Variants in NUP210L observed in about 807,000 individuals in gnomAD.
NUP210L encodes the protein nuclear pore membrane glycoprotein 210-like.
A neutral mutation model predicts 208.5 loss-of-function variants in NUP210L; 74 were observed. The ratio of observed to expected loss-of-function variants is 0.35; its 90% CI spans 0.29 to 0.43. The LOEUF (loss-of-function observed/expected upper bound fraction) is 0.43. Among genes scored for constraint, NUP210L ranks in the 20% least tolerant of loss-of-function variants. The pLI is 1.00. For synonymous variants in NUP210L, 780 were observed against 816.9 expected, an observed-to-expected ratio of 0.95 and a Z score of 0.77; for missense variants, 1,843 against 2,289.4, an observed-to-expected ratio of 0.81 and a Z score of 3.98.
chr1:154,112,635 C>T (rs1041965196), intron 12 of NUP210L, among the ~76,000 whole-genome samples: 8 of 151,802 alleles, frequency 5.3e-5, no homozygotes, highest in Non-Finnish European at 7.4e-5. Flanking sequence ...GCGGGAAGAT[C>T]GCTTGAGCCC....
In NUP210L at chr1:154,152,896, G is replaced by C. The variant is rs112695741; in HGVS notation, c.204-24C>G. On this transcript the variant is annotated intron_variant, in intron 1 of 39. Transcript: ENST00000368559. ...GCCTGCCAGAACAAAATTCTTAAGA[G>C]TGTGAAATAGGTGGGTTAAAATTAA... is the stretch of plus-strand genomic sequence containing the variant. The C allele has an allele frequency of 2.6e-4, 422 of 1,610,356 alleles. 1 individual carries two copies. In the African/African-American group the frequency reaches 4.9e-3, roughly 19 times the overall value.
intron 15 of NUP210L, among the ~76,000 whole-genome samples, chr1:154,090,623 C>T (rs1045559818): frequency 3.3e-5 from 5 of 151,972 alleles, no homozygotes; most frequent in African/African-American, 4.8e-5. Flanking sequence ...CCAGCCTGGC[C>T]GATATGGTGA....
intron 25 of NUP210L, among the ~76,000 whole-genome samples, chr1:154,048,753 A>G (rs551808797): frequency 0.024 from 3,639 of 152,292 alleles, 156 homozygotes; most frequent in African/African-American, 0.083. Context: ...GACCCTTGCC[A>G]GCGGGGATGA....
Position 154,056,959 on chromosome 1 carries a change from C to A in NUP210L, c.3108-12G>T. ...GTTGCTCCATTGGTCTGCAAAAACCCATGTATTTTCAGGTGAGAAAGATTT... is the reference window on the plus strand; with the variant it reads ...GTTGCTCCATTGGTCTGCAAAAACCAATGTATTTTCAGGTGAGAAAGATTT... On this transcript the variant is annotated splice_polypyrimidine_tract_variant and intron_variant, in intron 22 of 39. Transcript: ENST00000368559. The A allele has an allele frequency of 6.2e-7, 1 of 1,605,180 alleles. No homozygotes were observed. Among genetic ancestry groups the A allele is most frequent in the Non-Finnish European group, 8.5e-7 (1 of 1,177,238 alleles).
chr1:154,051,518 C>CT (rs1456557640), intron 25 of NUP210L, among the ~76,000 whole-genome samples: 4 of 152,174 alleles, frequency 2.6e-5, no homozygotes, highest in Admixed American at 6.5e-5. Context: ...CTGGCCGACA[C>CT]TTTCACAATT....
chr1:154,022,420 A>G, intron 31 of NUP210L, 77 bp from the exon 32 acceptor site: 1 of 1,151,492 alleles, frequency 8.7e-7, no homozygotes, highest in South Asian at 1.3e-5. Context: ...ACACCCTACC[A>G]CATTTTATAT....
At chr1:153,996,177 A>G (rs1260316430) in intron 37 of NUP210L, among the ~76,000 whole-genome samples, 1 of 152,072 alleles carries the variant, frequency 6.6e-6, no homozygotes, top group African/African-American at 2.4e-5. Flanking sequence ...CTGTAGTCCC[A>G]GCTACTTGGG....
intron 2 of NUP210L, among the ~76,000 whole-genome samples, chr1:154,148,703 C>A (rs73012884): frequency 6.6e-5 from 10 of 152,186 alleles, no homozygotes; most frequent in African/African-American, 1.4e-4. Context: ...ATTAAGTTAG[C>A]CTTCTACTTG....
intron 27 of NUP210L, among the ~76,000 whole-genome samples, chr1:154,044,880 CT>C (rs374188960): frequency 7.9e-5 from 12 of 151,000 alleles, no homozygotes; most frequent in African/African-American, 2.7e-4. Flanking sequence ...GCCAAACTTG[CT>C]TTTTTTTTGT....
At chr1:154,145,615 A>G (rs1477129871) in intron 2 of NUP210L, among the ~76,000 whole-genome samples, 1 of 152,230 alleles carries the variant, frequency 6.6e-6, no homozygotes, top group Non-Finnish European at 1.5e-5. Context: ...AGAATTGAAC[A>G]AATAAGTAAA....
chr1:154,010,460 A>G (rs1223620878), intron 34 of NUP210L, among the ~76,000 whole-genome samples: 2 of 152,012 alleles, frequency 1.3e-5, no homozygotes, highest in African/African-American at 4.8e-5. Flanking sequence ...TGCAACTTCC[A>G]TCTCCCGGTT....
At chr1:153,999,264 CT>C (rs1288260800) in intron 37 of NUP210L, among the ~76,000 whole-genome samples, 2 of 152,130 alleles carry the variant, frequency 1.3e-5, no homozygotes, top group African/African-American at 2.4e-5. Flanking sequence ...ACTGATGGTT[CT>C]CTAGCTTTTC....
exon 2 of NUP210L, chr1:154,152,749 A>G (rs1360721719): frequency 6.2e-7 from 1 of 1,614,112 alleles, no homozygotes; most frequent in Non-Finnish European, 8.5e-7. Flanking sequence ...TTTCTCGAGC[A>G]AGAATAATAC....
At position 154,060,643 on chromosome 1, in the gene NUP210L, T is replaced by TA. The variant is rs1260033999; in HGVS notation, c.2749-3dup. The TA allele has an allele frequency of 1.3e-6, 2 of 1,596,744 alleles. No individual in the cohort carries two copies. The highest frequency in any genetic ancestry group is 2.2e-5 in the South Asian group (2 of 90,304). On this transcript the variant is annotated splice_polypyrimidine_tract_variant and splice_region_variant and intron_variant, in intron 19 of 39. Coordinates refer to ENST00000368559, the Ensembl canonical transcript of NUP210L. Reference sequence around the variant, plus strand: ...TCCTTCCACAAGGCTAAATGTTTCCTATGGAAAAATCAGACAAACAATATT... The same window carrying TA: ...TCCTTCCACAAGGCTAAATGTTTCCTAATGGAAAAATCAGACAAACAATATT...
intron 25 of NUP210L, among the ~76,000 whole-genome samples, chr1:154,051,524 C>T (rs569957504): frequency 1.3e-5 from 2 of 152,292 alleles, no homozygotes; most frequent in East Asian, 3.9e-4. Flanking sequence ...GACACTTTCA[C>T]AATTTAACCC....
chr1:153,999,950 G>A (rs1049964127), intron 37 of NUP210L, among the ~76,000 whole-genome samples: 3 of 150,764 alleles, frequency 2.0e-5, no homozygotes, highest in African/African-American at 2.4e-5. Context: ...TCAGCCTCCC[G>A]AGTAGCTGGG....
At chr1:154,054,776 C>T in exon 24 of NUP210L, 13 of 1,611,104 alleles carry the variant, frequency 8.1e-6, no homozygotes, top group Non-Finnish European at 1.1e-5. Context: ...TCACCTGCAT[C>T]ATATTCATTG....
intron 34 of NUP210L, 140 bp downstream of exon 34, chr1:154,012,104 A>G: frequency 2.1e-5 from 16 of 769,166 alleles, no homozygotes; most frequent in Non-Finnish European, 3.3e-5. Context: ...GGTCTCATAG[A>G]GCTCTATGAT....
At chr1:154,041,868 C>T (rs926238248) in intron 27 of NUP210L, among the ~76,000 whole-genome samples, 1 of 152,116 alleles carries the variant, frequency 6.6e-6, no homozygotes. Flanking sequence ...CCTTCTAGTG[C>T]TCTAGAATTA....
Sources: allele counts gnomAD v4.1 joint callset (sites outside exome capture counted in the v4.1 genomes callset), GRCh38; gene constraint gnomAD v4.1.1; transcripts MANE v1.5; gene names NCBI Gene and HGNC (gene_info 2026-07-23, HGNC 2026-07-21).